MLIP: variants seen among roughly 807,000 people sequenced by gnomAD.
The protein encoded by MLIP is muscular LMNA-interacting protein.
In MLIP, 79 loss-of-function variants were observed where a neutral mutation model predicts 84.8. The observed-to-expected ratio is 0.93, with a 90% CI of 0.78 to 1.12. The LOEUF is 1.12. MLIP is among the 50% of genes most tolerant of loss of function. MLIP has a pLI of 0.00. For synonymous variants in MLIP, 504 were observed against 463.0 expected (o/e 1.09, Z -1.14); for missense variants, 1,257 against 1,160.6 (o/e 1.08, Z -1.21).
At chr6:54,219,422 G>C (rs1221325875) in intron 11 of MLIP, among the ~76,000 whole-genome samples, 2 of 144,276 alleles carry the variant, frequency 1.4e-5, no homozygotes, top group African/African-American at 5.1e-5. Flanking sequence ...GCCTAGGCAG[G>C]GTCAGGATCA....
intron 12 of MLIP, among the ~76,000 whole-genome samples, chr6:54,250,152 A>T (rs1334300325): frequency 6.6e-6 from 1 of 152,170 alleles, no homozygotes; most frequent in Non-Finnish European, 1.5e-5. Flanking sequence ...AATCAAAACC[A>T]CAATGAGATA....
At chr6:54,251,972 C>G (rs1268907537) in intron 12 of MLIP, among the ~76,000 whole-genome samples, 8 of 53,598 alleles carry the variant, frequency 1.5e-4, no homozygotes, top group African/African-American at 9.9e-4. Flanking sequence ...TATATTATAA[C>G]ATAATATATA....
chr6:54,125,326 T>TAA (rs1007442782), intron 3 of MLIP, among the ~76,000 whole-genome samples: 2 of 152,132 alleles, frequency 1.3e-5, no homozygotes, highest in Admixed American at 1.3e-4. Context: ...AGTAAAAGGA[T>TAA]AAACTAGGAA....
At chr6:54,034,282 C>T (rs900651600) in intron 1 of MLIP, among the ~76,000 whole-genome samples, 4 of 152,152 alleles carry the variant, frequency 2.6e-5, no homozygotes, top group African/African-American at 9.7e-5. Context: ...CTAATCTGCT[C>T]TTCATCTATA....
At chr6:54,261,026 G>A (rs1019031869) in intron 13 of MLIP, among the ~76,000 whole-genome samples, 1 of 151,962 alleles carries the variant, frequency 6.6e-6, no homozygotes. Flanking sequence ...TACTTTCATA[G>A]ATTTTTACTG....
Position 54,019,105 on chromosome 6 carries a change from T to C in MLIP, c.63+14T>C, listed in dbSNP as rs759176855. The C allele has an allele frequency of 1.9e-6, 3 of 1,611,248 alleles. No homozygotes were observed. In the African/African-American group the frequency reaches 4.0e-5, roughly 22 times the overall value. ...GAGAAACTGACGGTAAGACATGAGA[T>C]TTAGCACACACAGATTTATAATGAA... is the stretch of plus-strand genomic sequence containing the variant. On this transcript the variant is annotated intron_variant, in intron 1 of 12. Transcript: ENST00000274897.
intron 3 of MLIP, among the ~76,000 whole-genome samples, chr6:54,132,663 C>T (rs914475994): frequency 2.0e-5 from 3 of 152,014 alleles, no homozygotes; most frequent in African/African-American, 7.2e-5. Context: ...ACAACAACAA[C>T]AAAAAAGAAA....
At chr6:54,210,845 A>T (rs947674371) in intron 11 of MLIP, among the ~76,000 whole-genome samples, 3 of 151,916 alleles carry the variant, frequency 2.0e-5, no homozygotes, top group African/African-American at 7.3e-5. Flanking sequence ...AAGATCTTTA[A>T]TTTTTTTTAA....
chr6:54,100,550 G>A (rs1768566892), intron 1 of MLIP, among the ~76,000 whole-genome samples: 2 of 152,138 alleles, frequency 1.3e-5, no homozygotes, highest in South Asian at 2.1e-4. Context: ...ATTAACTAAT[G>A]TGGTTAGTCA....
chr6:54,115,102 A>G lies in MLIP; in HGVS notation c.96+3527A>G, dbSNP rs1017121090. ...GGAAGAGTGAATGGGCTATGGAAGTATAGTACGATTGTTGGGCAGCATTGA... is the reference window on the plus strand; with the variant it reads ...GGAAGAGTGAATGGGCTATGGAAGTGTAGTACGATTGTTGGGCAGCATTGA... On this transcript the variant is annotated intron_variant, in intron 1 of 13. Transcript: ENST00000502396. 3.3e-5 allele frequency among the ~76,000 whole-genome samples: 5 copies of G among 152,206 alleles called. No homozygotes were observed. In the South Asian group the frequency reaches 1.0e-3, roughly 32 times the overall value.
At chr6:54,114,163 G>A (rs1769711498) in intron 1 of MLIP, among the ~76,000 whole-genome samples, 1 of 152,196 alleles carries the variant, frequency 6.6e-6, no homozygotes. Flanking sequence ...ATCACTCAAT[G>A]TTAGAGTCTG....
chr6:54,252,215 A>G (rs1459072000), intron 12 of MLIP, among the ~76,000 whole-genome samples: 1 of 110,320 alleles, frequency 9.1e-6, no homozygotes, highest in Non-Finnish European at 1.6e-5. Flanking sequence ...CATATAATAT[A>G]TAACTATATT....
At chr6:54,216,920 T>A in intron 11 of MLIP, 1 of 985,408 alleles carries the variant, frequency 1.0e-6, no homozygotes, top group East Asian at 1.1e-4. Context: ...AAGGGGTCGC[T>A]CTTTAAGAAA....
At position 54,137,611 on chromosome 6, in the gene MLIP, T is replaced by C. The variant is rs1771930464; in HGVS notation, c.1542T>C (p.Ala514=). Residue 514 remains alanine, a synonymous_variant, in exon 4 of 14, where the codon GCT becomes GCC. Transcript: ENST00000502396. The part of the protein sequence containing the change: ...QAPSLSPTKQ[A]SSSLASMNVE... Reference sequence around the variant, plus strand: ...CCTCCCTCTCTCCTACAAAACAGGCTAGTAGCAGCCTTGCTTCCATGAATG... The same window carrying C: ...CCTCCCTCTCTCCTACAAAACAGGCCAGTAGCAGCCTTGCTTCCATGAATG... The C allele has an allele frequency of 6.5e-7, 1 of 1,536,084 alleles. No homozygotes were observed. Among genetic ancestry groups the C allele is most frequent in the Non-Finnish European group, 8.7e-7 (1 of 1,146,882 alleles).
At position 54,141,632 on chromosome 6, in the gene MLIP, T is replaced by C. The variant is rs185290190; in HGVS notation, c.2217+3346T>C. Among the ~76,000 whole-genome samples the C allele has an allele frequency of 6.6e-5, 10 of 152,014 alleles. No individual in the cohort carries two copies. In the East Asian group the frequency reaches 1.9e-3, roughly 29 times the overall value. On this transcript the variant is annotated intron_variant, in intron 4 of 13. Transcript: ENST00000502396. ...TACTTTTTGATCAACATCTATATTG[T>C]CTGAGACTTTTTTTTCCCATGCAAA...
intron 1 of MLIP, among the ~76,000 whole-genome samples, chr6:54,075,171 G>C (rs139866439): frequency 2.7e-5 from 4 of 150,672 alleles, no homozygotes; most frequent in Non-Finnish European, 5.9e-5. Context: ...CGCTTGAACC[G>C]GGGAGGCAGA....
chr6:54,089,408 C>A (rs1767711400), intron 1 of MLIP, among the ~76,000 whole-genome samples: 1 of 152,104 alleles, frequency 6.6e-6, no homozygotes, highest in Non-Finnish European at 1.5e-5. Flanking sequence ...GATAATTTTA[C>A]TCCCAGGATT....
intron 12 of MLIP, among the ~76,000 whole-genome samples, chr6:54,233,504 G>A (rs576244974): frequency 1.3e-5 from 2 of 152,144 alleles, no homozygotes; most frequent in Non-Finnish European, 2.9e-5. Flanking sequence ...CAGAAGACAT[G>A]AACTCATCCC....
rs556540870 is a variant in MLIP at position 54,191,714 on chromosome 6, G to A, written c.2589+1800G>A. ...GTTGAAGGAGTTGCCATGGAAACAA[G>A]CACTGCAATAACATAATGAGGTTGA... On this transcript the variant is annotated intron_variant, in intron 10 of 13. Transcript: ENST00000502396. 1.3e-4 allele frequency among the ~76,000 whole-genome samples: 20 copies of A among 152,232 alleles called. No homozygotes were observed. In the South Asian group the frequency reaches 3.9e-3, roughly 30 times the overall value.
Sources: gnomAD v4.1 joint callset for allele counts (sites outside exome capture counted in the v4.1 genomes callset) on GRCh38, gnomAD v4.1.1 for gene constraint, MANE v1.5 for transcripts, NCBI Gene and HGNC (gene_info 2026-07-23, HGNC 2026-07-21) for gene names.